DOP1A: variants seen among roughly 807,000 people sequenced by gnomAD.
DOP1A encodes DOP1 leucine zipper like protein A.
In DOP1A, 90 loss-of-function variants were observed where a neutral mutation model predicts 267.6. That is an observed-to-expected ratio of 0.34 (90% CI 0.28 to 0.40). The LOEUF is 0.40. Among genes scored for constraint, DOP1A ranks in the 10% least tolerant of loss-of-function variants. The pLI is 1.00. For missense variants in DOP1A, 2,437 were observed against 2,900.4 expected (o/e 0.84, Z 3.67); for synonymous variants, 932 against 999.1 (o/e 0.93, Z 1.27).
chr6:83,128,666 T>TG (rs1777564597), intron 15 of DOP1A, among the ~76,000 whole-genome samples: 1 of 152,198 alleles, frequency 6.6e-6, no homozygotes, highest in South Asian at 2.1e-4. Flanking sequence ...CTTGTATATA[T>TG]GTATTTTTGT....
intron 27 of DOP1A, among the ~76,000 whole-genome samples, chr6:83,150,727 AT>A (rs1781486528): frequency 6.6e-6 from 1 of 152,122 alleles, no homozygotes; most frequent in Non-Finnish European, 1.5e-5. Context: ...GAAAATGGAA[AT>A]TTTTTTCTTC....
intron 3 of DOP1A, among the ~76,000 whole-genome samples, chr6:83,098,631 T>C (rs775880342): frequency 2.6e-5 from 4 of 152,128 alleles, no homozygotes; most frequent in Non-Finnish European, 4.4e-5. Flanking sequence ...AGGATACAAG[T>C]GAAGAGATGC....
intron 3 of DOP1A, among the ~76,000 whole-genome samples, 186 bp downstream of exon 3, chr6:83,097,301 A>T (rs934447128): frequency 1.3e-5 from 2 of 152,168 alleles, no homozygotes; most frequent in Admixed American, 1.3e-4. Flanking sequence ...AGGCTTTGGA[A>T]GTTTTAATTC....
At position 83,145,578 on chromosome 6, in the gene DOP1A, A is replaced by G. The variant is rs199572435; in HGVS notation, c.5596A>G (p.Ile1866Val). The G allele has an allele frequency of 7.4e-6, 12 of 1,612,540 alleles. No homozygotes were observed. The highest frequency in any genetic ancestry group is 3.3e-5 in the South Asian group (3 of 90,898). ...TTTATTAGTGGAATTGGTTCGTTCAATCAGTGTCATGAGAGCAGAAACTGT... is the reference window on the plus strand; with the variant it reads ...TTTATTAGTGGAATTGGTTCGTTCAGTCAGTGTCATGAGAGCAGAAACTGT... ...QLLLVELVRSISVMRAETVIQ... is the reference protein window; with the variant it reads ...QLLLVELVRSVSVMRAETVIQ... Residue 1866 changes from isoleucine (I) to valine (V), a missense_variant, in exon 25 of 39, where the codon ATC (isoleucine) becomes GTC (valine). This residue lies in a region of DOP1A where 307 missense variants were observed against 308.6 expected (regional missense o/e 0.99). Coordinates refer to ENST00000349129, the MANE Select transcript of DOP1A (RefSeq NM_015018.4).
At chr6:83,122,181 T>A in intron 11 of DOP1A, 131 bp downstream of exon 11, 1 of 982,642 alleles carries the variant, frequency 1.0e-6, no homozygotes, top group Non-Finnish European at 1.5e-6. Context: ...GATTTAATAC[T>A]AGTAAAGCTG....
Position 83,154,343 on chromosome 6 carries a change from C to T in DOP1A, c.6451+102C>T, listed in dbSNP as rs1782305398. The T allele has an allele frequency of 1.2e-5, 13 of 1,080,412 alleles. 2 individuals carry two copies. In the South Asian group the frequency reaches 1.9e-4, roughly 15 times the overall value. 66.9% of individuals were successfully genotyped at this position (1,080,412 alleles called of 1,614,324 possible). A position where few individuals can be genotyped will look rare whatever the true frequency, so the allele number is the denominator to read the frequency against. ...GGAGACTAGGAGACTACTGAATTAG[C>T]TCTTTGTCAAGTGTCAGTGGGGATA... On this transcript the variant is annotated intron_variant, in intron 33 of 38. Coordinates refer to ENST00000349129, the MANE Select transcript of DOP1A (RefSeq NM_015018.4).
At position 83,141,871 on chromosome 6, in the gene DOP1A, T is replaced by G. The variant is rs762919527; in HGVS notation, c.5416-50T>G. 2.6e-6 allele frequency: 4 copies of G among 1,564,950 alleles called. No individual in the cohort carries two copies. In the East Asian group the frequency reaches 9.0e-5, roughly 35 times the overall value. On this transcript the variant is annotated intron_variant, in intron 23 of 38. Transcript: ENST00000349129. ...CAAAAACGCAGTCTAGTTGTAAATG[T>G]TTTTTCATTTTTTAAAAGTTTCACT...
At chr6:83,157,756 T>G (rs2128386155) in intron 35 of DOP1A, among the ~76,000 whole-genome samples, 1 of 152,248 alleles carries the variant, frequency 6.6e-6, no homozygotes, top group Admixed American at 6.5e-5. Flanking sequence ...CCATTTAAAC[T>G]TGCTTCAGAG....
Position 83,132,355 on chromosome 6 carries a change from G to A in DOP1A, c.2769+27G>A, listed in dbSNP as rs142294453. On this transcript the variant is annotated intron_variant, in intron 18 of 38. Transcript: ENST00000349129. ...TAAATCCTCTTATCTTGTGCACACC[G>A]CCCCCTCCGCCACACACACACACAC... is the stretch of plus-strand genomic sequence containing the variant. The A allele has an allele frequency of 4.1e-3, 6,399 of 1,568,926 alleles. 288 individuals carry two copies. The Admixed American group carries it at 0.084, about 20-fold the overall frequency.
At chr6:83,145,700 T>C in intron 25 of DOP1A, 42 bp downstream of exon 25, 2 of 1,592,470 alleles carry the variant, frequency 1.3e-6, no homozygotes, top group Non-Finnish European at 1.7e-6. Flanking sequence ...CAATTCTGTT[T>C]CAGAAATTAT....
At chr6:83,155,702 G>T (rs920616423) in intron 33 of DOP1A, among the ~76,000 whole-genome samples, 2 of 152,180 alleles carry the variant, frequency 1.3e-5, no homozygotes, top group Non-Finnish European at 2.9e-5. Flanking sequence ...AATGGTATTA[G>T]TGGTTTTACC....
At position 83,152,200 on chromosome 6, in the gene DOP1A, T is replaced by C. The variant is rs904469341; in HGVS notation, c.6050-88T>C. 701 of 752,636 alleles carry C rather than the reference T, an allele frequency of 9.3e-4. 5 individuals are homozygous for C. Among genetic ancestry groups the C allele is most frequent in the Non-Finnish European group, 9.9e-4 (498 of 502,242 alleles). 46.6% of individuals were successfully genotyped at this position (752,636 alleles called of 1,614,324 possible). A position where few individuals can be genotyped will look rare whatever the true frequency, so the allele number is the denominator to read the frequency against. ...ATACATATACATATATATATACATA[T>C]ATAAAAATAATACACACACACACAC... is the stretch of plus-strand genomic sequence containing the variant. On this transcript the variant is annotated intron_variant, in intron 29 of 38. Coordinates refer to ENST00000349129, the MANE Select transcript of DOP1A (RefSeq NM_015018.4).
rs1340268178 is a variant in DOP1A, at chr6:83,137,896, C to T, written c.3854C>T (p.Thr1285Ile). The part of the protein sequence containing the change: ...KLSEKVSEKE[T>I]IVKESGKQPG... ...TCAGAAAAAGTTTCGGAGAAGGAAA[C>T]AATAGTTAAGGAGTCAGGTAAACAA... The change falls in exon 21 of 39, where the codon ACA becomes ATA. Residue 1285 changes from threonine (T) to isoleucine (I), a missense_variant. By Grantham distance (89) the Thr-to-Ile change is moderately conservative. Transcript: ENST00000349129. The T allele has an allele frequency of 1.9e-6, 3 of 1,612,892 alleles. No individual in the cohort carries two copies. The highest frequency in any genetic ancestry group is 1.7e-6 in the Non-Finnish European group (2 of 1,179,696).
chr6:83,118,659 A>G (rs755921732), intron 7 of DOP1A, among the ~76,000 whole-genome samples: 32 of 152,164 alleles, frequency 2.1e-4, no homozygotes, highest in Non-Finnish European at 4.4e-4. Flanking sequence ...ACTGTAAGTT[A>G]AAATAATTAA....
At chr6:83,147,202 T>C in intron 25 of DOP1A, 34 bp from the exon 26 acceptor site, 1 of 1,192,616 alleles carries the variant, frequency 8.4e-7, no homozygotes, top group Non-Finnish European at 1.2e-6. Flanking sequence ...GCAGTATTCT[T>C]CTTCACTACA....
Position 83,168,460 on chromosome 6 carries a change from A to ATT in DOP1A, c.*302_*303dup. ...TAAACCTGCAAAATATACACTACCC[A>ATT]TTTTTTTTTTCCATTGGTTTCAGAC... On this transcript the variant is annotated 3_prime_UTR_variant, in exon 39 of 39. Coordinates refer to ENST00000349129, the MANE Select transcript of DOP1A (RefSeq NM_015018.4). 1.0e-6 allele frequency: 1 copy of ATT among 962,056 alleles called. No homozygotes were observed. The allele number at this position is 962,056 out of a possible 1,614,324, so 59.6% of individuals were successfully genotyped here.
chr6:83,112,071 C>A (rs1005509070), intron 6 of DOP1A, among the ~76,000 whole-genome samples: 2 of 152,110 alleles, frequency 1.3e-5, no homozygotes, highest in Admixed American at 6.6e-5. Flanking sequence ...TATACTGTTA[C>A]ATTTCTTTTG....
intron 1 of DOP1A, among the ~76,000 whole-genome samples, chr6:83,095,974 T>G (rs1771416297): frequency 1.3e-5 from 2 of 152,186 alleles, no homozygotes; most frequent in African/African-American, 4.8e-5. Context: ...AAAGTGCATT[T>G]ATGACCTGTT....
In DOP1A at chr6:83,141,989, T is replaced by A; in HGVS notation, c.5484T>A (p.Ala1828=). ...TGAATCATGGTGTTCACTTTATGGC[T>A]GCCATTGCATTTGTGTGGAATGAAA... ...ISMNHGVHFM[A]AIAFVWNERR... The change falls in exon 24 of 39, where the codon GCT becomes GCA. Residue 1828 remains alanine, a synonymous_variant. Coordinates refer to ENST00000349129, the MANE Select transcript of DOP1A (RefSeq NM_015018.4). The A allele has an allele frequency of 6.2e-7, 1 of 1,613,166 alleles. No individual in the cohort carries two copies. The highest frequency in any genetic ancestry group is 8.5e-7 in the Non-Finnish European group (1 of 1,179,662).
Sources: gnomAD v4.1 joint callset for allele counts (sites outside exome capture counted in the v4.1 genomes callset) on GRCh38, gnomAD v4.1.1 for gene constraint, gnomAD v4.1.1 regional missense constraint, MANE v1.5 for transcripts, NCBI Gene and HGNC (gene_info 2026-07-23, HGNC 2026-07-21) for gene names.